Variants in IGF2BP1 observed in about 807,000 individuals in gnomAD.
The protein encoded by IGF2BP1 is insulin like growth factor 2 mRNA binding protein 1.
IGF2BP1 carries 11 observed loss-of-function variants against 74.9 expected under a neutral mutation model. The ratio of observed to expected loss-of-function variants is 0.15; its 90% CI spans 0.09 to 0.24. The LOEUF is 0.24. Among genes scored for constraint, IGF2BP1 ranks in the 10% least tolerant of loss-of-function variants. The pLI, the probability that IGF2BP1 is intolerant of heterozygous loss-of-function variation, is 1.00. For synonymous variants in IGF2BP1, 287 were observed against 281.8 expected, an observed-to-expected ratio of 1.02 and a Z score of -0.18; for missense variants, 440 against 757.4, an observed-to-expected ratio of 0.58 and a Z score of 4.92.
intron 5 of IGF2BP1, chr17:49,036,271 A>G (rs1426975098): frequency 6.6e-6 from 1 of 151,990 alleles, no homozygotes; most frequent in African/African-American, 2.4e-5. Flanking sequence ...GAGCGTTGCG[A>G]GATTGTGGCC....
intron 5 of IGF2BP1, among the ~76,000 whole-genome samples, chr17:49,033,104 G>T (rs1381895397): frequency 6.6e-6 from 1 of 151,968 alleles, no homozygotes; most frequent in Non-Finnish European, 1.5e-5. Flanking sequence ...CAGCCACCTC[G>T]CCTGCCCTTT....
At chr17:49,038,993 T>C (rs898289353) in intron 6 of IGF2BP1, among the ~76,000 whole-genome samples, 2 of 150,872 alleles carry the variant, frequency 1.3e-5, no homozygotes, top group East Asian at 4.0e-4. Context: ...TTCTCCTGCC[T>C]CAGCCTCCCG....
chr17:49,042,480 T>G, intron 9 of IGF2BP1, 103 bp downstream of exon 9: 1 of 1,285,216 alleles, frequency 7.8e-7, no homozygotes, highest in Non-Finnish European at 1.1e-6. Context: ...CGTGTGGCCT[T>G]GGAGCTTTAG....
intron 4 of IGF2BP1, among the ~76,000 whole-genome samples, chr17:49,030,283 A>G (rs1598147216): frequency 6.6e-6 from 1 of 152,070 alleles, no homozygotes; most frequent in African/African-American, 2.4e-5. Flanking sequence ...CTAGGATTAC[A>G]GGCATGCACC....
intron 5 of IGF2BP1, chr17:49,036,532 T>C (rs1263306137): frequency 6.6e-6 from 1 of 152,244 alleles, no homozygotes; most frequent in Non-Finnish European, 1.5e-5. Flanking sequence ...ATGTTTGTTT[T>C]TTTTTGTGCA....
In IGF2BP1 at chr17:48,999,160, A is replaced by G. The variant is rs2041451555; in HGVS notation, c.227A>G (p.Lys76Arg). 1 of 1,248,850 alleles carries G rather than the reference A, an allele frequency of 8.0e-7. No homozygotes were observed. Among genetic ancestry groups the G allele is most frequent in the Non-Finnish European group, 1.1e-6 (1 of 901,838 alleles). 77.4% of individuals were successfully genotyped at this position (1,248,850 alleles called of 1,614,324 possible). A position where few individuals can be genotyped will look rare whatever the true frequency, so the allele number is the denominator to read the frequency against. Residue 76 changes from lysine to arginine, a missense_variant, in exon 2 of 15, where the codon AAA becomes AGA. Lys to Arg is a conservative substitution (Grantham distance 26). Around this residue, in one of 5 missense-constraint regions of IGF2BP1, gnomAD observed 105 missense variants for 199.4 expected, o/e 0.53. Coordinates refer to ENST00000290341, the MANE Select transcript of IGF2BP1 (RefSeq NM_006546.4). ...KRLEIEHSVP[K>R]KQRSRKIQIR... ...TTAGAGATTGAACATTCGGTGCCCA[A>G]AAAACAAAGGTAGGAAAGAGCTCTT...
chr17:49,029,520 G>T (rs367804018), intron 4 of IGF2BP1, among the ~76,000 whole-genome samples: 18 of 152,194 alleles, frequency 1.2e-4, no homozygotes, highest in East Asian at 7.7e-4. Context: ...GTGTTGTGGG[G>T]GGCAGAGGCT....
intron 2 of IGF2BP1, among the ~76,000 whole-genome samples, chr17:49,020,970 T>TAA (rs33965742): frequency 3.8e-5 from 5 of 132,526 alleles, no homozygotes; most frequent in Non-Finnish European, 4.8e-5. Context: ...CTCTACAAAT[T>TAA]AAAAAAAAAA....
rs1459659005 is a variant in IGF2BP1, at chr17:49,030,044, C to CA, written c.338-1865dup. 2.0e-5 allele frequency among the ~76,000 whole-genome samples: 3 copies of CA among 151,908 alleles called. No individual in the cohort carries two copies. In the East Asian group the frequency reaches 5.8e-4, roughly 29 times the overall value. ...TAGCATCCTGAGGCTACAATGGCCA[C>CA]ATCCAAGACAGGAAATCCTTTCCCC... On this transcript the variant is annotated intron_variant, in intron 4 of 14. Transcript: ENST00000290341.
At chr17:49,047,211 A>T (rs1006762521) in intron 14 of IGF2BP1, among the ~76,000 whole-genome samples, 1 of 152,070 alleles carries the variant, frequency 6.6e-6, no homozygotes, top group Non-Finnish European at 1.5e-5. Flanking sequence ...GGATCCAGGG[A>T]GCTTTGACCT....
chr17:48,998,071 C>A (rs1298950431), intron 1 of IGF2BP1, 151 bp downstream of exon 1: 32 of 721,496 alleles, frequency 4.4e-5, no homozygotes, highest in Non-Finnish European at 6.6e-5. Context: ...CCCTTCGATG[C>A]CCCCTCCCTC....
chr17:49,043,417 T>A lies in IGF2BP1; in HGVS notation c.1078-11T>A. 6.2e-7 allele frequency: 1 copy of A among 1,613,630 alleles called. No individual in the cohort carries two copies. The highest frequency in any genetic ancestry group is 8.5e-7 in the Non-Finnish European group (1 of 1,179,932). On this transcript the variant is annotated splice_polypyrimidine_tract_variant and intron_variant, in intron 9 of 14. Coordinates refer to ENST00000290341, the MANE Select transcript of IGF2BP1 (RefSeq NM_006546.4). ...GTGTGCTGACTCTTCCTCCTCATCT[T>A]TCTTCCCCAGCTGCAGTCTCACCTG...
chr17:49,011,144 A>AC (rs2041613369), intron 2 of IGF2BP1, among the ~76,000 whole-genome samples: 4 of 94,676 alleles, frequency 4.2e-5, no homozygotes, highest in Admixed American at 9.2e-5. Flanking sequence ...TCTCAAAAAA[A>AC]AAAAAAAAAA....
chr17:48,998,049 C>A, intron 1 of IGF2BP1, 129 bp downstream of exon 1: 1 of 924,446 alleles, frequency 1.1e-6, no homozygotes, highest in Non-Finnish European at 1.6e-6. Flanking sequence ...CCGTACCCAC[C>A]CTCGACCTAC....
intron 2 of IGF2BP1, among the ~76,000 whole-genome samples, chr17:49,003,963 C>T (rs1034649634): frequency 6.6e-6 from 1 of 151,992 alleles, no homozygotes; most frequent in Non-Finnish European, 1.5e-5. Flanking sequence ...TTCCCTTCCC[C>T]TTTCAAAAAA....
chr17:49,026,303 G>GC lies in IGF2BP1; in HGVS notation c.286-162dup, dbSNP rs1291248288. 3 of 620,222 alleles carry GC rather than the reference G, an allele frequency of 4.8e-6. No homozygotes were observed. In the African/African-American group the frequency reaches 5.5e-5, roughly 11 times the overall value. 38.4% of individuals were successfully genotyped at this position (620,222 alleles called of 1,614,324 possible). ...ACACTCCTGCAAAGATACCCCATCA[G>GC]CATTAGCACCCTAGAAAGGTCACAC... On this transcript the variant is annotated intron_variant, in intron 3 of 14. Transcript: ENST00000290341.
chr17:49,025,641 A>G lies in IGF2BP1; in HGVS notation c.260A>G (p.Asn87Ser). The G allele has an allele frequency of 2.5e-6, 4 of 1,612,630 alleles. No individual in the cohort carries two copies. Among genetic ancestry groups the G allele is most frequent in the Non-Finnish European group, 3.4e-6 (4 of 1,179,812 alleles). ...AGGAGCCGGAAAATTCAAATCCGAAATATTCCACCCCAGCTCCGATGGGAA... is the reference window on the plus strand; with the variant it reads ...AGGAGCCGGAAAATTCAAATCCGAAGTATTCCACCCCAGCTCCGATGGGAA... ...KQRSRKIQIRNIPPQLRWEVL... is the reference protein window; with the variant it reads ...KQRSRKIQIRSIPPQLRWEVL... Residue 87 changes from asparagine (N) to serine (S), a missense_variant, in exon 3 of 15, where the codon AAT (asparagine) becomes AGT (serine). This residue lies in a region of IGF2BP1 where 105 missense variants were observed against 199.4 expected (regional missense o/e 0.53). Transcript: ENST00000290341.
intron 2 of IGF2BP1, among the ~76,000 whole-genome samples, chr17:49,009,419 T>A (rs933313934): frequency 1.3e-4 from 20 of 152,196 alleles, no homozygotes; most frequent in Non-Finnish European, 2.4e-4. Context: ...TTTAAAAAAA[T>A]TATTTTTAGG....
chr17:49,035,903 G>A (rs1435062081), intron 5 of IGF2BP1, among the ~76,000 whole-genome samples: 4 of 152,194 alleles, frequency 2.6e-5, no homozygotes, highest in Admixed American at 2.6e-4. Context: ...CCCGGGGGCC[G>A]GACCTCCTTG....
Sources: allele counts gnomAD v4.1 joint callset (sites outside exome capture counted in the v4.1 genomes callset), GRCh38; gene constraint gnomAD v4.1.1; regional missense constraint gnomAD v4.1.1; transcripts MANE v1.5; gene names NCBI Gene and HGNC (gene_info 2026-07-23, HGNC 2026-07-21).